The following GALNT14 variants were observed in gnomAD, a reference collection of about 807,000 sequenced individuals.
The protein encoded by GALNT14 is UDP-GalNAc:polypeptide N-acetylgalactosaminyltransferase 14.
Under a neutral mutation model 77.5 loss-of-function variants are expected in GALNT14, and 60 were observed. The ratio of observed to expected loss-of-function variants is 0.77; its 90% confidence interval spans 0.63 to 0.96. The LOEUF (loss-of-function observed/expected upper bound fraction) is 0.96, where lower values mean the gene tolerates loss of function less well. Ranked by LOEUF, GALNT14 falls within the 40% of genes least tolerant of loss-of-function variation. The pLI is 0.00. For synonymous variants in GALNT14, 280 were observed against 281.7 expected (o/e 0.99, Z 0.06); for missense variants, 710 against 731.0 (o/e 0.97, Z 0.33).
intron 1 of GALNT14, among the ~76,000 whole-genome samples, chr2:31,091,651 G>C (rs990907539): frequency 1.3e-5 from 2 of 152,158 alleles, no homozygotes; most frequent in African/African-American, 4.8e-5. Flanking sequence ...AAAAGTCCTA[G>C]ATCAAAGCAC....
chr2:30,986,223 C>A (rs1361603745), intron 2 of GALNT14, among the ~76,000 whole-genome samples: 1 of 152,128 alleles, frequency 6.6e-6, no homozygotes, highest in East Asian at 1.9e-4. Flanking sequence ...ACACACAGAC[C>A]CAGCCAGGCC....
At chr2:31,077,255 A>G (rs1011881243) in intron 1 of GALNT14, among the ~76,000 whole-genome samples, 7 of 152,230 alleles carry the variant, frequency 4.6e-5, no homozygotes, top group Non-Finnish European at 8.8e-5. Context: ...GGAGAGTCCT[A>G]TTTTAAAGGA....
chr2:30,909,590 G>C (rs2148190304), downstream of GALNT14, among the ~76,000 whole-genome samples: 1 of 151,164 alleles, frequency 6.6e-6, no homozygotes, highest in East Asian at 2.0e-4. Context: ...GGAGAAATAG[G>C]AACACTTTTA....
intron 1 of GALNT14, among the ~76,000 whole-genome samples, chr2:31,117,194 A>G (rs1379341441): frequency 6.6e-6 from 1 of 152,214 alleles, no homozygotes; most frequent in Non-Finnish European, 1.5e-5. Context: ...ATAATTCAAT[A>G]CAATCCAAAA....
chr2:30,929,872 C>A (rs1460152107), intron 10 of GALNT14, among the ~76,000 whole-genome samples: 1 of 152,206 alleles, frequency 6.6e-6, no homozygotes, highest in Non-Finnish European at 1.5e-5. Context: ...ACACCTTACA[C>A]ACATAGCCTG....
At chr2:31,074,620 G>C (rs774459058) in intron 1 of GALNT14, among the ~76,000 whole-genome samples, 1 of 152,104 alleles carries the variant, frequency 6.6e-6, no homozygotes. Flanking sequence ...TCATCCTGCA[G>C]TAGTGGCTAC....
At chr2:31,074,944 T>C (rs1675664864) in intron 1 of GALNT14, among the ~76,000 whole-genome samples, 1 of 152,160 alleles carries the variant, frequency 6.6e-6, no homozygotes, top group Admixed American at 6.5e-5. Context: ...CCATGGATCT[T>C]AATATGGTTG....
At chr2:31,115,624 C>G (rs1678066869) in intron 1 of GALNT14, among the ~76,000 whole-genome samples, 1 of 152,136 alleles carries the variant, frequency 6.6e-6, no homozygotes, top group Non-Finnish European at 1.5e-5. Context: ...ACATTTAGTT[C>G]TAGAAGTGTT....
rs144690252 is a variant in GALNT14 at position 31,089,427 on chromosome 2, T to C, written c.129+48531A>G. Among the ~76,000 whole-genome samples, 1,271 of 152,304 alleles carry C rather than the reference T, an allele frequency of 8.3e-3. 15 individuals are homozygous for C. The highest frequency in any genetic ancestry group is 0.024 in the Middle Eastern group (7 of 294). On this transcript the variant is annotated intron_variant, in intron 1 of 14. Transcript: ENST00000349752. ...GTATGTGATTGTTACTGTTTCCTCT[T>C]ATAGACTAGCTGACTTGGGCCACAG...
At chr2:31,066,687 C>T (rs1674987068) in intron 1 of GALNT14, among the ~76,000 whole-genome samples, 1 of 152,056 alleles carries the variant, frequency 6.6e-6, no homozygotes, top group Non-Finnish European at 1.5e-5. Context: ...GAGCAGGCAG[C>T]CCCCAGGGCT....
chr2:31,028,607 T>G (rs1299352237), intron 1 of GALNT14, among the ~76,000 whole-genome samples: 1 of 152,202 alleles, frequency 6.6e-6, no homozygotes, highest in Non-Finnish European at 1.5e-5. Flanking sequence ...ATTATCAATA[T>G]GCAAAGCCTT....
chr2:31,036,487 T>C (rs1672744170), intron 1 of GALNT14, among the ~76,000 whole-genome samples: 1 of 152,222 alleles, frequency 6.6e-6, no homozygotes, highest in Non-Finnish European at 1.5e-5. Context: ...AACACAGTTT[T>C]ATAATTATTG....
At chr2:30,973,777 C>T (rs769286088) in intron 2 of GALNT14, among the ~76,000 whole-genome samples, 12 of 152,208 alleles carry the variant, frequency 7.9e-5, no homozygotes, top group Non-Finnish European at 1.3e-4. Context: ...TTCACATAAA[C>T]ATATACTGCT....
Position 31,063,258 on chromosome 2 carries a change from A to C in GALNT14, c.130-70251T>G, listed in dbSNP as rs536907690. On this transcript the variant is annotated intron_variant, in intron 1 of 14. Transcript: ENST00000349752. ...TGTATAAGGTGTAAGGAAGGGGTCC[A>C]GTTTCTGTTTTCTGCATATGGCTAA... Among the ~76,000 whole-genome samples the C allele has an allele frequency of 4.9e-4, 75 of 152,300 alleles. No homozygotes were observed. The East Asian group carries it at 0.01, about 21-fold the overall frequency.
At chr2:31,004,640 G>T (rs1408782472) in intron 1 of GALNT14, among the ~76,000 whole-genome samples, 2 of 152,194 alleles carry the variant, frequency 1.3e-5, no homozygotes, top group African/African-American at 2.4e-5. Flanking sequence ...GCCCCACAAT[G>T]TGGCCAGAGC....
chr2:30,918,090 G>T (rs1461887516), intron 13 of GALNT14, among the ~76,000 whole-genome samples: 1 of 152,222 alleles, frequency 6.6e-6, no homozygotes, highest in Admixed American at 6.5e-5. Flanking sequence ...GCAGCAGGAT[G>T]ACCTGGTGGG....
intron 1 of GALNT14, among the ~76,000 whole-genome samples, chr2:31,091,344 A>G (rs928054694): frequency 2.0e-5 from 3 of 152,270 alleles, no homozygotes; most frequent in African/African-American, 7.2e-5. Flanking sequence ...ATTTGTTTAC[A>G]TATCATCTGT....
At chr2:30,969,823 C>T (rs971730291) in intron 2 of GALNT14, among the ~76,000 whole-genome samples, 1 of 152,156 alleles carries the variant, frequency 6.6e-6, no homozygotes, top group African/African-American at 2.4e-5. Context: ...ACGGAATGGG[C>T]CCAAGGCTCT....
intron 2 of GALNT14, among the ~76,000 whole-genome samples, chr2:30,990,097 G>C (rs908958790): frequency 6.6e-6 from 1 of 152,156 alleles, no homozygotes; most frequent in African/African-American, 2.4e-5. Context: ...CTATGGCAAG[G>C]TGGGGAGACA....
Sources: allele counts gnomAD v4.1 joint callset (sites outside exome capture counted in the v4.1 genomes callset), GRCh38; gene constraint gnomAD v4.1.1; transcripts MANE v1.5; gene names NCBI Gene and HGNC (gene_info 2026-07-23, HGNC 2026-07-21).